The following CRADD variants were observed in gnomAD, a reference collection of about 807,000 sequenced individuals.
CRADD encodes CARD and death domain containing adaptor protein, also known as death domain-containing protein CRADD.
CRADD carries 9 observed loss-of-function variants against 15.5 expected under a neutral mutation model. The observed-to-expected ratio is 0.58, with a 90% CI of 0.35 to 1.01. The LOEUF (loss-of-function observed/expected upper bound fraction) is 1.01. Among genes scored for constraint, CRADD ranks in the 50% least tolerant of loss-of-function variants. The probability of loss-of-function intolerance (pLI) is 0.02; values close to 1 mark genes in which losing one functional copy is unlikely to be tolerated. For missense variants in CRADD, 227 were observed against 250.3 expected (o/e 0.91, Z 0.63); for synonymous variants, 118 against 107.6 (o/e 1.10, Z -0.60).
At chr12:93,699,689 G>A (rs570573600) in intron 2 of CRADD, among the ~76,000 whole-genome samples, 33 of 152,284 alleles carry the variant, frequency 2.2e-4, no homozygotes, top group African/African-American at 7.5e-4. Flanking sequence ...CCCATTCCCT[G>A]AGATAGCCAT....
At chr12:93,893,897 C>T (rs1259616746) in intron 2 of CRADD, among the ~76,000 whole-genome samples, 1 of 149,976 alleles carries the variant, frequency 6.7e-6, no homozygotes, top group Non-Finnish European at 1.5e-5. Flanking sequence ...AAGACTCCAT[C>T]TCAAAAAAGA....
At chr12:93,853,756 A>G (rs1040510741), downstream of CRADD, among the ~76,000 whole-genome samples, 1 of 152,172 alleles carries the variant, frequency 6.6e-6, no homozygotes, top group South Asian at 2.1e-4. Flanking sequence ...GGGAGGGCAA[A>G]TGAATTTTAC....
At chr12:93,820,065 A>G (rs1024152959) in intron 2 of CRADD, among the ~76,000 whole-genome samples, 4 of 152,156 alleles carry the variant, frequency 2.6e-5, no homozygotes, top group African/African-American at 9.7e-5. Flanking sequence ...CAAGGTAGAA[A>G]CTGGACCATC....
At chr12:93,692,931 A>G (rs189819652) in intron 2 of CRADD, among the ~76,000 whole-genome samples, 1 of 152,302 alleles carries the variant, frequency 6.6e-6, no homozygotes, top group African/African-American at 2.4e-5. Flanking sequence ...AAAGACATAA[A>G]TTGTGCCATC....
chr12:93,705,448 T>C (rs1232355348), intron 2 of CRADD, among the ~76,000 whole-genome samples: 1 of 152,222 alleles, frequency 6.6e-6, no homozygotes, highest in African/African-American at 2.4e-5. Context: ...GACAGTCTCC[T>C]GTCTGCCTTG....
At chr12:93,794,842 C>T (rs1263747103) in intron 2 of CRADD, among the ~76,000 whole-genome samples, 5 of 152,152 alleles carry the variant, frequency 3.3e-5, no homozygotes, top group Non-Finnish European at 5.9e-5. Flanking sequence ...CACACAGATC[C>T]CTTTTCTGTT....
At chr12:93,743,127 A>G (rs1281307395) in intron 2 of CRADD, among the ~76,000 whole-genome samples, 1 of 152,218 alleles carries the variant, frequency 6.6e-6, no homozygotes, top group African/African-American at 2.4e-5. Context: ...TGTGGCGTAT[A>G]GAGTAATAGT....
intron 2 of CRADD, among the ~76,000 whole-genome samples, chr12:93,740,685 C>A (rs565893121): frequency 6.6e-6 from 1 of 152,232 alleles, no homozygotes; most frequent in South Asian, 2.1e-4. Flanking sequence ...TTTTGAAATT[C>A]TCTGGTAATC....
At chr12:93,726,338 A>G (rs1190196560) in intron 2 of CRADD, among the ~76,000 whole-genome samples, 1 of 152,106 alleles carries the variant, frequency 6.6e-6, no homozygotes, top group East Asian at 1.9e-4. Context: ...TCCTGACCTC[A>G]GGTGATCCAC....
At chr12:93,838,674 T>C (rs1464215914) in intron 2 of CRADD, among the ~76,000 whole-genome samples, 1 of 151,738 alleles carries the variant, frequency 6.6e-6, no homozygotes, top group African/African-American at 2.4e-5. Context: ...TCCCCCTCCC[T>C]CTCATAGATA....
chr12:93,751,137 A>T (rs924897106), intron 2 of CRADD, among the ~76,000 whole-genome samples: 1 of 152,222 alleles, frequency 6.6e-6, no homozygotes. Context: ...AAAATTATGA[A>T]CATAATTATA....
At chr12:93,793,818 C>T (rs1957379323) in intron 2 of CRADD, among the ~76,000 whole-genome samples, 2 of 152,138 alleles carry the variant, frequency 1.3e-5, no homozygotes, top group Admixed American at 6.6e-5. Context: ...AAGTTAACAG[C>T]AACAACAAAA....
At chr12:93,718,339 T>G (rs1956198642) in intron 2 of CRADD, among the ~76,000 whole-genome samples, 2 of 152,206 alleles carry the variant, frequency 1.3e-5, no homozygotes, top group African/African-American at 2.4e-5. Context: ...TTTCACCAGT[T>G]TTGTGGTTTT....
chr12:93,878,195 G>A (rs1019152273), intron 2 of CRADD, among the ~76,000 whole-genome samples: 4 of 152,192 alleles, frequency 2.6e-5, no homozygotes, highest in African/African-American at 9.7e-5. Context: ...AGACCATTAA[G>A]GCAATACCTC....
At chr12:93,777,445 G>T (rs563328324) in intron 2 of CRADD, among the ~76,000 whole-genome samples, 2 of 152,170 alleles carry the variant, frequency 1.3e-5, no homozygotes, top group Non-Finnish European at 2.9e-5. Context: ...TGCCTGCTGT[G>T]CTCCAGCATT....
intron 2 of CRADD, chr12:93,733,524 G>A (rs1956507975): frequency 6.6e-6 from 1 of 152,256 alleles, no homozygotes; most frequent in Admixed American, 6.5e-5. Context: ...TGCTGTGCTT[G>A]CCCCCATCAC....
intron 2 of CRADD, among the ~76,000 whole-genome samples, chr12:93,830,705 G>A (rs1200886792): frequency 6.6e-6 from 1 of 152,172 alleles, no homozygotes; most frequent in East Asian, 1.9e-4. Context: ...ATAATCATCT[G>A]CAAATCACTC....
chr12:93,827,692 G>A (rs1452131431), intron 2 of CRADD, among the ~76,000 whole-genome samples: 1 of 151,864 alleles, frequency 6.6e-6, no homozygotes, highest in Non-Finnish European at 1.5e-5. Context: ...TGAGAGTTCC[G>A]TTTCTTCCAT....
At chr12:93,863,922 T>A (rs1381561666) in intron 2 of CRADD, among the ~76,000 whole-genome samples, 1 of 152,172 alleles carries the variant, frequency 6.6e-6, no homozygotes, top group Admixed American at 6.6e-5. Context: ...AAATGATGGG[T>A]CAATGTTATT....
Sources: allele counts gnomAD v4.1 joint callset (sites outside exome capture counted in the v4.1 genomes callset), GRCh38; gene constraint gnomAD v4.1.1; transcripts MANE v1.5; gene names NCBI Gene and HGNC (gene_info 2026-07-23, HGNC 2026-07-21).